The following AMOTL1 variants were observed in gnomAD, a reference collection of about 807,000 sequenced individuals.
AMOTL1 encodes angiomotin-like protein 1.
In AMOTL1, 45 loss-of-function variants were observed where a neutral mutation model predicts 102.9. That is an observed-to-expected ratio of 0.44 (90% CI 0.34 to 0.56). AMOTL1 has a LOEUF of 0.56. Ranked by LOEUF, AMOTL1 falls within the 20% of genes least tolerant of loss-of-function variation. The probability of loss-of-function intolerance (pLI) is 0.01; values close to 1 mark genes in which losing one functional copy is unlikely to be tolerated. For missense variants in AMOTL1, 1,114 were observed against 1,225.6 expected, an observed-to-expected ratio of 0.91 and a Z score of 1.36; for synonymous variants, 481 against 484.7, an observed-to-expected ratio of 0.99 and a Z score of 0.10.
At chr11:94,791,999 CTG>C (rs1230323878) in intron 1 of AMOTL1, among the ~76,000 whole-genome samples, 1 of 152,180 alleles carries the variant, frequency 6.6e-6, no homozygotes, top group Non-Finnish European at 1.5e-5. Flanking sequence ...GGGGTAGACT[CTG>C]TGACTCACAT....
At chr11:94,737,685 C>A (rs1950456019) in intron 2 of AMOTL1, among the ~76,000 whole-genome samples, 1 of 152,210 alleles carries the variant, frequency 6.6e-6, no homozygotes, top group Non-Finnish European at 1.5e-5. Context: ...CTATGGGAAA[C>A]CAGAGGAGAC....
chr11:94,728,463 G>A (rs529916133), intron 1 of AMOTL1, among the ~76,000 whole-genome samples: 1 of 152,218 alleles, frequency 6.6e-6, no homozygotes, highest in East Asian at 1.9e-4. Flanking sequence ...CATGTTCATT[G>A]TTGAAAATGC....
At chr11:94,757,283 T>G (rs557694924) in intron 3 of AMOTL1, among the ~76,000 whole-genome samples, 1 of 152,322 alleles carries the variant, frequency 6.6e-6, no homozygotes, top group African/African-American at 2.4e-5. Flanking sequence ...CTAAGAGCTT[T>G]ACATGTAATT....
At chr11:94,723,133 C>A (rs1950199977) in intron 1 of AMOTL1, among the ~76,000 whole-genome samples, 1 of 152,084 alleles carries the variant, frequency 6.6e-6, no homozygotes, top group Admixed American at 6.6e-5. Context: ...CTCCTTCATC[C>A]AACAAGAATT....
At chr11:94,790,432 T>C (rs1951263920) in intron 1 of AMOTL1, among the ~76,000 whole-genome samples, 1 of 152,038 alleles carries the variant, frequency 6.6e-6, no homozygotes, top group Admixed American at 6.6e-5. Context: ...AGTCAGGGCA[T>C]GGGGGATGGT....
chr11:94,708,139 A>G (rs899191238), intron 1 of AMOTL1, among the ~76,000 whole-genome samples: 6 of 152,142 alleles, frequency 3.9e-5, no homozygotes, highest in African/African-American at 1.4e-4. Flanking sequence ...GAGTTATTGC[A>G]TTATCCCCTT....
rs762046141 is a variant in AMOTL1 at position 94,830,058 on chromosome 11, A to C, written c.1422A>C (p.Lys474Asn). The change falls in exon 5 of 13, where the codon AAA (lysine) becomes AAC (asparagine). Residue 474 changes from lysine to asparagine, a missense_variant. Lys to Asn is a moderately conservative substitution (Grantham distance 94, BLOSUM62 0). Transcript: ENST00000433060. ...CCAGTTCTTTCTTTTAGTTTGAAAA[A>C]GAACTTCAGAGAATTTCGGAAGCCT... is the stretch of plus-strand genomic sequence containing the variant. ...DNADKLHKFE[K>N]ELQRISEAYE... 220 of 1,593,266 alleles carry C rather than the reference A, an allele frequency of 1.4e-4. No individual in the cohort carries two copies. Among genetic ancestry groups the C allele is most frequent in the Non-Finnish European group, 1.7e-4 (197 of 1,172,404 alleles).
chr11:94,747,696 G>T (rs148855002), intron 3 of AMOTL1, among the ~76,000 whole-genome samples: 178 of 152,302 alleles, frequency 1.2e-3, no homozygotes, highest in Admixed American at 8.6e-3. Flanking sequence ...TCGTGCTTGT[G>T]CAATGGTCAA....
intron 3 of AMOTL1, among the ~76,000 whole-genome samples, chr11:94,813,167 G>C (rs1402050283): frequency 6.6e-6 from 1 of 152,304 alleles, no homozygotes; most frequent in East Asian, 1.9e-4. Context: ...GGTTTCCTCT[G>C]AATGCCAACT....
intron 2 of AMOTL1, 48 bp downstream of exon 2, chr11:94,795,208 C>A (rs773592652): frequency 1.3e-6 from 2 of 1,599,278 alleles, no homozygotes; most frequent in Middle Eastern, 1.7e-4. Context: ...AATGATCTTA[C>A]GTTTCTCATC....
intron 2 of AMOTL1, among the ~76,000 whole-genome samples, chr11:94,736,823 C>T (rs1024846268): frequency 6.6e-6 from 1 of 152,190 alleles, no homozygotes; most frequent in Non-Finnish European, 1.5e-5. Flanking sequence ...GGACATTGCC[C>T]TGAGATTCAA....
chr11:94,759,159 A>G (rs1270468178), intron 3 of AMOTL1, among the ~76,000 whole-genome samples: 1 of 152,182 alleles, frequency 6.6e-6, no homozygotes, highest in Non-Finnish European at 1.5e-5. Context: ...CACTGGATTC[A>G]CCTAGCATTC....
chr11:94,734,695 G>A (rs548502088), intron 2 of AMOTL1, among the ~76,000 whole-genome samples: 12 of 152,214 alleles, frequency 7.9e-5, no homozygotes, highest in Admixed American at 2.0e-4. Context: ...TTGCTTCCCC[G>A]CTCTGCTCTG....
intron 6 of AMOTL1, 26 bp from the exon 7 acceptor site, chr11:94,850,088 T>C: frequency 6.4e-7 from 1 of 1,565,788 alleles, no homozygotes; most frequent in South Asian, 1.2e-5. Context: ...CTGATAGAGG[T>C]AGTTTTGTTC....
At chr11:94,818,921 C>T (rs1257517285) in intron 3 of AMOTL1, among the ~76,000 whole-genome samples, 4 of 152,212 alleles carry the variant, frequency 2.6e-5, no homozygotes, top group Admixed American at 6.5e-5. Flanking sequence ...AAACCACTTT[C>T]ATACCTGCCT....
chr11:94,733,225 G>T lies in AMOTL1; in HGVS notation c.85+4170G>T, dbSNP rs527756416. ...CAGTTTCTAAGGACAACATTACTCT[G>T]CATCTCCACCTTTCTGAGAAGTTTG... is the stretch of plus-strand genomic sequence containing the variant. On this transcript the variant is annotated intron_variant, in intron 2 of 4. Transcript: ENST00000299004. 2.0e-5 allele frequency among the ~76,000 whole-genome samples: 3 copies of T among 152,312 alleles called. No individual in the cohort carries two copies. The East Asian group carries it at 5.8e-4, about 29-fold the overall frequency.
At chr11:94,843,878 A>T (rs1952353961) in intron 6 of AMOTL1, among the ~76,000 whole-genome samples, 1 of 152,174 alleles carries the variant, frequency 6.6e-6, no homozygotes, top group Non-Finnish European at 1.5e-5. Flanking sequence ...GTTAGGAAGC[A>T]TTGGCCTCTT....
intron 3 of AMOTL1, among the ~76,000 whole-genome samples, chr11:94,753,960 T>C (rs1015340866): frequency 2.0e-5 from 3 of 152,134 alleles, no homozygotes; most frequent in Non-Finnish European, 2.9e-5. Context: ...ATTTACAACG[T>C]GGAGTTCTAG....
intron 1 of AMOTL1, among the ~76,000 whole-genome samples, chr11:94,783,439 G>T (rs1188466460): frequency 6.6e-6 from 1 of 152,156 alleles, no homozygotes; most frequent in Non-Finnish European, 1.5e-5. Context: ...TAAATTAGGG[G>T]TTACTACACT....
Sources: allele counts gnomAD v4.1 joint callset (sites outside exome capture counted in the v4.1 genomes callset), GRCh38; gene constraint gnomAD v4.1.1; transcripts MANE v1.5; gene names NCBI Gene and HGNC (gene_info 2026-07-23, HGNC 2026-07-21).